MAST2: variants seen among roughly 807,000 people sequenced by gnomAD.
The protein encoded by MAST2 is microtubule-associated serine/threonine-protein kinase 2.
A neutral mutation model predicts 147.4 loss-of-function variants in MAST2; 70 were observed. That is an observed-to-expected ratio of 0.47 (90% CI 0.39 to 0.58). MAST2 has a LOEUF of 0.58. MAST2 is among the 20% of genes least tolerant of loss of function. The pLI is 0.00. For synonymous variants in MAST2, 869 were observed against 896.8 expected (o/e 0.97, Z 0.55); for missense variants, 2,080 against 2,302.3 (o/e 0.90, Z 1.98).
At chr1:45,965,460 T>C (rs1466069480) in intron 5 of MAST2, among the ~76,000 whole-genome samples, 1 of 152,188 alleles carries the variant, frequency 6.6e-6, no homozygotes. Flanking sequence ...GTTGAATTGA[T>C]CCCTTTACCA....
chr1:46,015,032 C>T (rs992824797), intron 10 of MAST2, among the ~76,000 whole-genome samples: 2 of 151,440 alleles, frequency 1.3e-5, no homozygotes, highest in African/African-American at 4.9e-5. Flanking sequence ...CACTCAAAAC[C>T]ACTCAACTAC....
chr1:45,803,656 T>G lies in MAST2; in HGVS notation c.-240T>G. The G allele has an allele frequency of 3.5e-6, 1 of 288,268 alleles. No homozygotes were observed. Among genetic ancestry groups the G allele is most frequent in the Non-Finnish European group, 6.3e-6 (1 of 157,540 alleles). 17.9% of individuals were successfully genotyped at this position (288,268 alleles called of 1,614,324 possible). A position where few individuals can be genotyped will look rare whatever the true frequency, so the allele number is the denominator to read the frequency against. ...GGCGGCGGGTGGCCTGCCCAACGTG[T>G]GCTGGGTGGGAGAAGGCGAGGCGTC... is the stretch of plus-strand genomic sequence containing the variant. On this transcript the variant is annotated 5_prime_UTR_variant, in exon 1 of 29. Coordinates refer to ENST00000361297, the MANE Select transcript of MAST2 (RefSeq NM_015112.3).
chr1:45,850,043 C>A (rs546823847), intron 3 of MAST2, among the ~76,000 whole-genome samples: 1 of 152,294 alleles, frequency 6.6e-6, no homozygotes, highest in South Asian at 2.1e-4. Flanking sequence ...TTCCAGAGTG[C>A]TAAACTAATT....
Position 46,029,573 on chromosome 1 carries a change from G to A in MAST2, c.2320+6G>A. Reference sequence around the variant, plus strand: ...TCTGGAGAGACTTGGCACAGGTAGGGCAGGCCCTGCTAACTTTTCTCACTA... The same window carrying A: ...TCTGGAGAGACTTGGCACAGGTAGGACAGGCCCTGCTAACTTTTCTCACTA... On this transcript the variant is annotated splice_donor_region_variant and intron_variant, in intron 19 of 28. Transcript: ENST00000361297. 1 of 1,612,444 alleles carries A rather than the reference G, an allele frequency of 6.2e-7. No individual in the cohort carries two copies. The highest frequency in any genetic ancestry group is 1.3e-5 in the African/African-American group (1 of 74,964).
At chr1:46,032,441 T>C (rs760901696) in intron 25 of MAST2, 37 bp downstream of exon 25, 3 of 1,608,720 alleles carry the variant, frequency 1.9e-6, no homozygotes, top group Non-Finnish European at 1.7e-6. Flanking sequence ...TCTCCCTGCT[T>C]CATCATCCTT....
At chr1:45,828,745 A>C (rs928866899) in intron 2 of MAST2, among the ~76,000 whole-genome samples, 2 of 152,212 alleles carry the variant, frequency 1.3e-5, no homozygotes, top group Admixed American at 6.5e-5. Flanking sequence ...TAACATGGCA[A>C]AACCCCATGT....
chr1:46,035,420 G>C lies in MAST2; in HGVS notation c.4751G>C (p.Gly1584Ala), dbSNP rs748942988. Residue 1584 changes from glycine (G) to alanine (A), a missense_variant, in exon 29 of 29, where the codon GGG becomes GCG. Coordinates refer to ENST00000361297, the MANE Select transcript of MAST2 (RefSeq NM_015112.3). The surrounding 1 kb of genome is among the most constrained non-coding windows in gnomAD (Gnocchi z 5.5). ...ESPSGPHRRL[G>A]SPQAIEEAAS... ...CCCAGTGGTCCCCACAGGAGGCTCG[G>C]GAGCCCACAAGCCATTGAGGAGGCT... is the stretch of plus-strand genomic sequence containing the variant. 1 of 1,612,566 alleles carries C rather than the reference G, an allele frequency of 6.2e-7. No homozygotes were observed. The highest frequency in any genetic ancestry group is 8.5e-7 in the Non-Finnish European group (1 of 1,179,662).
intron 18 of MAST2, 100 bp downstream of exon 18, chr1:46,029,033 CTCA>C: frequency 1.5e-6 from 2 of 1,317,450 alleles, no homozygotes; most frequent in South Asian, 2.9e-5. Context: ...TTGTTCTGAA[CTCA>C]TCATGTGTGT....
chr1:46,011,023 G>A (rs1645693220), intron 10 of MAST2, 84 bp downstream of exon 10: 9 of 1,189,108 alleles, frequency 7.6e-6, no homozygotes, highest in Non-Finnish European at 1.1e-5. Context: ...GGGCATTAGT[G>A]GTATTCTCAG....
chr1:45,956,968 G>A (rs931724153), intron 4 of MAST2, among the ~76,000 whole-genome samples: 5 of 152,188 alleles, frequency 3.3e-5, no homozygotes, highest in South Asian at 2.1e-4. Context: ...GTATTTGGTC[G>A]AATTTATGTG....
At chr1:45,987,777 ATT>A in intron 5 of MAST2, among the ~76,000 whole-genome samples, 50 of 21,798 alleles carry the variant, frequency 2.3e-3, no homozygotes, top group Admixed American at 3.8e-3. Context: ...TTTTTTTTTG[ATT>A]TTTTTTTTTT....
chr1:45,804,837 A>G (rs1265541389), intron 1 of MAST2, among the ~76,000 whole-genome samples: 2 of 152,252 alleles, frequency 1.3e-5, no homozygotes, highest in East Asian at 1.9e-4. Context: ...AGAAGCTGCC[A>G]CTAGTAGCGG....
rs895275104 is a variant in MAST2 at position 46,031,402 on chromosome 1, C to T, written c.3004C>T (p.Arg1002Ter). The part of the protein sequence containing the change: ...SSGSSPAMET[R>*]GRGTSQLAEG... ...ACTTGGGCCTACAGCTATGGAGACC[C>T]GAGGCCGTGGGACCTCACAGCTGGC... Residue 1002 changes from arginine (R) to a stop codon, truncating the protein, a stop_gained, in exon 24 of 29, where the codon CGA becomes TGA. Coordinates refer to ENST00000361297, the MANE Select transcript of MAST2 (RefSeq NM_015112.3). LOFTEE classifies it high-confidence loss of function. The surrounding 1 kb of genome is among the most constrained non-coding windows in gnomAD (Gnocchi z 4.1). 4 of 1,612,366 alleles carry T rather than the reference C, an allele frequency of 2.5e-6. No homozygotes were observed. The highest frequency in any genetic ancestry group is 2.5e-6 in the Non-Finnish European group (3 of 1,178,906).
chr1:45,953,317 C>T (rs1284444534), intron 4 of MAST2, among the ~76,000 whole-genome samples: 3 of 152,112 alleles, frequency 2.0e-5, no homozygotes, highest in Non-Finnish European at 1.5e-5. Context: ...CTCCTAGTTC[C>T]TCTGATGCCT....
At chr1:45,951,951 A>G (rs1298152503) in intron 4 of MAST2, among the ~76,000 whole-genome samples, 1 of 152,234 alleles carries the variant, frequency 6.6e-6, no homozygotes, top group Non-Finnish European at 1.5e-5. Flanking sequence ...GTGAGTCCCC[A>G]CTATAATAAA....
intron 3 of MAST2, 34 bp downstream of exon 3, chr1:45,829,615 G>GA: frequency 6.3e-7 from 1 of 1,585,806 alleles, no homozygotes; most frequent in South Asian, 1.1e-5. Context: ...TTTGCTCTAT[G>GA]AAAAATCCAT....
intron 4 of MAST2, among the ~76,000 whole-genome samples, chr1:45,914,393 G>C (rs534433876): frequency 1.3e-5 from 2 of 152,266 alleles, no homozygotes; most frequent in East Asian, 3.9e-4. Context: ...ACTTTATTAG[G>C]TGAGAATATC....
chr1:45,914,759 G>T (rs1377732782), intron 4 of MAST2, among the ~76,000 whole-genome samples: 1 of 152,020 alleles, frequency 6.6e-6, no homozygotes, highest in Non-Finnish European at 1.5e-5. Context: ...GAAGTATATA[G>T]TTGTAGTATT....
At chr1:45,937,483 C>T (rs1203350874) in intron 4 of MAST2, among the ~76,000 whole-genome samples, 1 of 151,928 alleles carries the variant, frequency 6.6e-6, no homozygotes. Flanking sequence ...GGTACGGTGG[C>T]TTACGCCTGT....
Sources: allele counts gnomAD v4.1 joint callset (sites outside exome capture counted in the v4.1 genomes callset), GRCh38; gene constraint gnomAD v4.1.1; non-coding constraint Gnocchi (gnomAD v3.1); transcripts MANE v1.5; gene names NCBI Gene and HGNC (gene_info 2026-07-23, HGNC 2026-07-21).